RNF180: variants seen among roughly 807,000 people sequenced by gnomAD.
RNF180 encodes E3 ubiquitin-protein ligase RNF180.
A neutral mutation model predicts 59.2 loss-of-function variants in RNF180; 38 were observed. The observed-to-expected ratio is 0.64, with a 90% CI of 0.50 to 0.84. RNF180 has a LOEUF of 0.84. Among genes scored for constraint, RNF180 ranks in the 40% least tolerant of loss-of-function variants. The pLI, the probability that RNF180 is intolerant of heterozygous loss-of-function variation, is 0.00. For missense variants in RNF180, 705 were observed against 700.9 expected, an observed-to-expected ratio of 1.01 and a Z score of -0.07; for synonymous variants, 262 against 240.3, an observed-to-expected ratio of 1.09 and a Z score of -0.84.
intron 7 of RNF180, among the ~76,000 whole-genome samples, chr5:64,347,031 A>T (rs908322415): frequency 2.6e-5 from 4 of 152,218 alleles, no homozygotes; most frequent in African/African-American, 9.6e-5. Context: ...TTTGCCTTAT[A>T]CCGAAATAAA....
At chr5:64,358,411 A>G (rs1022591052) in intron 7 of RNF180, among the ~76,000 whole-genome samples, 4 of 151,862 alleles carry the variant, frequency 2.6e-5, no homozygotes, top group Non-Finnish European at 5.9e-5. Flanking sequence ...ATTTCTGAAG[A>G]GCTTTAAGGG....
chr5:64,339,318 TGCATC>T (rs1315160872), intron 7 of RNF180, among the ~76,000 whole-genome samples: 1 of 152,206 alleles, frequency 6.6e-6, no homozygotes, highest in Admixed American at 6.5e-5. Flanking sequence ...TAAGTCAGTT[TGCATC>T]CTTTTTACTT....
At chr5:64,366,879 C>T (rs1037769753) in intron 7 of RNF180, among the ~76,000 whole-genome samples, 2 of 151,450 alleles carry the variant, frequency 1.3e-5, no homozygotes, top group African/African-American at 4.8e-5. Flanking sequence ...ATACAGGAAG[C>T]TCAGAAATCC....
At chr5:64,181,771 G>A (rs528291342) in intron 1 of RNF180, among the ~76,000 whole-genome samples, 8 of 152,100 alleles carry the variant, frequency 5.3e-5, no homozygotes, top group Non-Finnish European at 8.8e-5. Context: ...TATGGAACAA[G>A]GGAAGATTTA....
At chr5:64,200,759 A>G (rs1276416966) in intron 1 of RNF180, 49 bp from the exon 2 acceptor site, 1 of 1,539,054 alleles carries the variant, frequency 6.5e-7, no homozygotes, top group Non-Finnish European at 8.9e-7. Flanking sequence ...TAGAAAGTCC[A>G]GTTTATCTGA....
chr5:64,296,241 A>G (rs1450987506), intron 5 of RNF180, among the ~76,000 whole-genome samples: 3 of 152,112 alleles, frequency 2.0e-5, no homozygotes, highest in Non-Finnish European at 2.9e-5. Flanking sequence ...TATTTACCCT[A>G]TCTTACTTGC....
At chr5:64,199,048 C>G (rs1375104837) in intron 1 of RNF180, among the ~76,000 whole-genome samples, 1 of 152,172 alleles carries the variant, frequency 6.6e-6, no homozygotes, top group African/African-American at 2.4e-5. Flanking sequence ...GAACTCCTGA[C>G]CTCAGATGAT....
At chr5:64,343,092 T>TATG (rs1444787971) in intron 7 of RNF180, among the ~76,000 whole-genome samples, 1 of 152,074 alleles carries the variant, frequency 6.6e-6, no homozygotes, top group Non-Finnish European at 1.5e-5. Flanking sequence ...AATAAAAAAT[T>TATG]ATGATATATG....
At chr5:64,282,997 T>C (rs1036349437) in intron 5 of RNF180, among the ~76,000 whole-genome samples, 13 of 152,220 alleles carry the variant, frequency 8.5e-5, no homozygotes, top group African/African-American at 3.1e-4. Context: ...TGGAGAGTTC[T>C]GTAGATGCCT....
intron 1 of RNF180, among the ~76,000 whole-genome samples, chr5:64,194,820 A>G (rs578045547): frequency 2.0e-5 from 3 of 152,276 alleles, no homozygotes; most frequent in African/African-American, 7.2e-5. Context: ...GTGTCTGTTC[A>G]TATCCTTCGC....
intron 5 of RNF180, among the ~76,000 whole-genome samples, chr5:64,293,497 A>G (rs1025062809): frequency 7.2e-5 from 11 of 152,132 alleles, no homozygotes; most frequent in African/African-American, 2.7e-4. Flanking sequence ...TTATGAGAAT[A>G]TTATTTTAAT....
intron 7 of RNF180, among the ~76,000 whole-genome samples, chr5:64,358,819 AT>A (rs1044265316): frequency 2.0e-4 from 26 of 130,232 alleles, no homozygotes; most frequent in Non-Finnish European, 2.8e-4. Context: ...AGAGTGTGAT[AT>A]TCCCCTTCCT....
In RNF180 at chr5:64,213,561, C is replaced by A. The variant is rs567688078; in HGVS notation, c.235C>A (p.Gln79Lys). ...TATTCTTCTTTATTACCTGTAGGCC[C>A]AGTGGACAGTTGGAAAACTGAATTG... is the stretch of plus-strand genomic sequence containing the variant. ...EWISCLIQKA[Q>K]WTVGKLNCPF... is the part of the protein sequence containing the mutation. The change falls in exon 4 of 8, where the codon CAG (glutamine) becomes AAG (lysine). Residue 79 changes from glutamine to lysine, a missense_variant. Physicochemically the swap from Gln to Lys is moderately conservative, Grantham distance 53. Transcript: ENST00000389100. 5.0e-6 allele frequency: 8 copies of A among 1,610,934 alleles called. No homozygotes were observed. Among genetic ancestry groups the A allele is most frequent in the African/African-American group, 1.3e-5 (1 of 74,794 alleles).
At chr5:64,347,289 T>C (rs1745594097) in intron 7 of RNF180, among the ~76,000 whole-genome samples, 1 of 152,152 alleles carries the variant, frequency 6.6e-6, no homozygotes, top group Admixed American at 6.6e-5. Context: ...TATTTGCCTT[T>C]TTTCCAGTCT....
At chr5:64,256,068 T>G (rs1466143554) in intron 5 of RNF180, among the ~76,000 whole-genome samples, 3 of 152,144 alleles carry the variant, frequency 2.0e-5, no homozygotes, top group Non-Finnish European at 4.4e-5. Context: ...TCTTGTAAAT[T>G]TGTTTGAGTT....
intron 7 of RNF180, among the ~76,000 whole-genome samples, 154 bp downstream of exon 7, chr5:64,330,560 A>G (rs1349095026): frequency 6.6e-6 from 1 of 152,246 alleles, no homozygotes; most frequent in Non-Finnish European, 1.5e-5. Context: ...TCCTTGCTGA[A>G]AACTACAGAT....
chr5:64,186,941 G>A (rs1191135009), intron 1 of RNF180, among the ~76,000 whole-genome samples: 1 of 152,136 alleles, frequency 6.6e-6, no homozygotes, highest in Non-Finnish European at 1.5e-5. Context: ...AGAAAGTAGT[G>A]TGTTAGAAGT....
chr5:64,176,630 A>G (rs1223151622), intron 1 of RNF180, among the ~76,000 whole-genome samples: 1 of 152,144 alleles, frequency 6.6e-6, no homozygotes, highest in Non-Finnish European at 1.5e-5. Flanking sequence ...AATCTTGATA[A>G]ATTTTTCCAT....
intron 5 of RNF180, among the ~76,000 whole-genome samples, chr5:64,258,548 A>G (rs1314739277): frequency 1.3e-5 from 2 of 152,062 alleles, no homozygotes; most frequent in Non-Finnish European, 2.9e-5. Flanking sequence ...TTTCTTTTAG[A>G]TGAATGGGGG....
Sources: allele counts gnomAD v4.1 joint callset (sites outside exome capture counted in the v4.1 genomes callset), GRCh38; gene constraint gnomAD v4.1.1; transcripts MANE v1.5; gene names NCBI Gene and HGNC (gene_info 2026-07-23, HGNC 2026-07-21).